Variants in PSD3 observed in about 807,000 individuals in gnomAD.
PSD3 encodes PH and SEC7 domain-containing protein 3.
In PSD3, 49 loss-of-function variants were observed where a neutral mutation model predicts 105.5. That is an observed-to-expected ratio of 0.46 (90% confidence interval 0.37 to 0.59). The LOEUF (loss-of-function observed/expected upper bound fraction) is 0.59, where lower values mean the gene tolerates loss of function less well. PSD3 is among the 20% of genes least tolerant of loss of function. The pLI is 0.00. For synonymous variants in PSD3, 557 were observed against 457.8 expected, an observed-to-expected ratio of 1.22 and a Z score of -2.77; for missense variants, 1,561 against 1,263.8, an observed-to-expected ratio of 1.24 and a Z score of -3.57.
At chr8:18,778,668 T>G (rs962305218) in intron 8 of PSD3, among the ~76,000 whole-genome samples, 1 of 151,922 alleles carries the variant, frequency 6.6e-6, no homozygotes, top group Non-Finnish European at 1.5e-5. Context: ...GGATGTTGAA[T>G]TTTATGAAAC....
At chr8:18,804,261 C>A (rs1810993594) in intron 6 of PSD3, 1 of 336,058 alleles carries the variant, frequency 3.0e-6, no homozygotes, top group Non-Finnish European at 5.3e-6. Context: ...AAATAAGGTT[C>A]AAAGGAAATG....
At chr8:19,075,603 T>G (rs1391196579) in intron 1 of PSD3, among the ~76,000 whole-genome samples, 1 of 152,220 alleles carries the variant, frequency 6.6e-6, no homozygotes, top group African/African-American at 2.4e-5. Flanking sequence ...GAAGTGCATC[T>G]CTACTGAGGC....
chr8:18,871,071 C>T (rs559409193), intron 3 of PSD3, among the ~76,000 whole-genome samples: 3 of 152,266 alleles, frequency 2.0e-5, no homozygotes, highest in South Asian at 4.1e-4. Context: ...CATACTCCGG[C>T]CCGGGGGACA....
At chr8:18,801,516 C>CA (rs1303089991) in intron 6 of PSD3, 134 bp from the exon 7 acceptor site, 6 of 554,834 alleles carry the variant, frequency 1.1e-5, no homozygotes, top group Non-Finnish European at 1.3e-5. Flanking sequence ...TATCTCCCCC[C>CA]AAAAAAATCA....
chr8:18,833,591 G>C (rs1335029525), intron 4 of PSD3, among the ~76,000 whole-genome samples: 1 of 152,188 alleles, frequency 6.6e-6, no homozygotes, highest in Non-Finnish European at 1.5e-5. Context: ...GGGTTAAAAT[G>C]AGTTTTCCAC....
intron 1 of PSD3, chr8:19,000,926 G>C (rs550138416): frequency 6.6e-6 from 1 of 151,876 alleles, no homozygotes; most frequent in South Asian, 2.1e-4. Context: ...GTCGTCCATC[G>C]GTAAAGTGGG....
At position 18,731,433 on chromosome 8, in the gene PSD3, T is replaced by C. The variant is rs1196857676; in HGVS notation, c.2172+34016A>G. On this transcript the variant is annotated intron_variant, in intron 9 of 15. Coordinates refer to ENST00000327040, the MANE Select transcript of PSD3 (RefSeq NM_015310.4). ...CAATTAAGAAAGGCAACTTAGATTC[T>C]CTATACCCTTCCTCTTTTATCTATT... Among the ~76,000 whole-genome samples the C allele has an allele frequency of 2.6e-5, 4 of 152,318 alleles. No individual in the cohort carries two copies. The East Asian group carries it at 5.8e-4, about 22-fold the overall frequency.
At chr8:18,965,404 G>T (rs867125563) in intron 1 of PSD3, among the ~76,000 whole-genome samples, 1 of 152,192 alleles carries the variant, frequency 6.6e-6, no homozygotes, top group African/African-American at 2.4e-5. Context: ...CCTCTATGGA[G>T]CCATTCACAG....
At chr8:18,754,732 T>A (rs926032878) in intron 9 of PSD3, among the ~76,000 whole-genome samples, 6 of 152,144 alleles carry the variant, frequency 3.9e-5, no homozygotes, top group Non-Finnish European at 8.8e-5. Flanking sequence ...TATTTTTATT[T>A]TTTTGCTTGT....
At chr8:18,959,370 T>G (rs1474202412) in intron 1 of PSD3, among the ~76,000 whole-genome samples, 1 of 152,136 alleles carries the variant, frequency 6.6e-6, no homozygotes. Flanking sequence ...GGGAATCCAT[T>G]CTCCAGCACT....
chr8:18,907,494 T>C (rs974002665), intron 2 of PSD3, among the ~76,000 whole-genome samples: 5 of 152,182 alleles, frequency 3.3e-5, no homozygotes, highest in Non-Finnish European at 5.9e-5. Context: ...TTCTATTGCA[T>C]TTTTATTGTA....
intron 4 of PSD3, among the ~76,000 whole-genome samples, chr8:18,825,104 T>C (rs1331050900): frequency 1.3e-5 from 2 of 152,184 alleles, no homozygotes; most frequent in East Asian, 3.8e-4. Context: ...AATACTACAA[T>C]ATACTAGTGC....
At chr8:18,930,539 A>G (rs1215311475) in intron 2 of PSD3, among the ~76,000 whole-genome samples, 1 of 151,124 alleles carries the variant, frequency 6.6e-6, no homozygotes, top group Non-Finnish European at 1.5e-5. Flanking sequence ...TACAGAACGT[A>G]TATCTTTAAC....
chr8:18,991,353 TACACACACACACACACACATAC>T (rs1465271956), intron 1 of PSD3, among the ~76,000 whole-genome samples: 63 of 57,524 alleles, frequency 1.1e-3, no homozygotes, highest in East Asian at 4.3e-3. Context: ...CACACACACA[TACACACACACACACACACATAC>T]ACACACACAC....
At chr8:18,981,687 G>GA in intron 1 of PSD3, among the ~76,000 whole-genome samples, 1 of 152,166 alleles carries the variant, frequency 6.6e-6, no homozygotes, top group African/African-American at 2.4e-5. Context: ...GAATATAAAA[G>GA]TTGTTGACAC....
intron 2 of PSD3, among the ~76,000 whole-genome samples, chr8:18,902,609 T>C (rs1819577818): frequency 6.6e-6 from 1 of 152,180 alleles, no homozygotes; most frequent in Non-Finnish European, 1.5e-5. Flanking sequence ...TATCTGTGTG[T>C]TGATGTCTGG....
intron 1 of PSD3, among the ~76,000 whole-genome samples, chr8:19,045,978 C>A (rs899904083): frequency 6.6e-6 from 1 of 152,172 alleles, no homozygotes; most frequent in Non-Finnish European, 1.5e-5. Context: ...TTATCCTCTG[C>A]CCCTAAAAGA....
chr8:18,543,999 T>G (rs556240789), intron 15 of PSD3, among the ~76,000 whole-genome samples: 59 of 152,114 alleles, frequency 3.9e-4, no homozygotes, highest in Non-Finnish European at 4.7e-4. Context: ...CATTCAGACC[T>G]CACTGCTCTA....
At chr8:18,648,413 G>C (rs1172372134) in intron 10 of PSD3, among the ~76,000 whole-genome samples, 4 of 152,144 alleles carry the variant, frequency 2.6e-5, no homozygotes, top group Non-Finnish European at 4.4e-5. Flanking sequence ...CCTGCCCTAG[G>C]GATCTGTGGA....
Sources: allele counts gnomAD v4.1 joint callset (sites outside exome capture counted in the v4.1 genomes callset), GRCh38; gene constraint gnomAD v4.1.1; transcripts MANE v1.5; gene names NCBI Gene and HGNC (gene_info 2026-07-23, HGNC 2026-07-21).